Variants in B4GALT5 observed in about 807,000 individuals in gnomAD.
B4GALT5 encodes beta-1,4-galactosyltransferase 5, also known as UDP-Gal:beta-GlcNAc beta-1,4-galactosyltransferase 5.
In B4GALT5, 11 loss-of-function variants were observed where a neutral mutation model predicts 45.0. The observed-to-expected ratio is 0.24, with a 90% CI of 0.15 to 0.40. The LOEUF (loss-of-function observed/expected upper bound fraction) is 0.40, where lower values mean the gene tolerates loss of function less well. Ranked by LOEUF, B4GALT5 falls within the 10% of genes least tolerant of loss-of-function variation. The pLI, the probability that B4GALT5 is intolerant of heterozygous loss-of-function variation, is 1.00. For missense variants in B4GALT5, 337 were observed against 500.2 expected, an observed-to-expected ratio of 0.67 and a Z score of 3.11; for synonymous variants, 185 against 182.9, an observed-to-expected ratio of 1.01 and a Z score of -0.09.
chr20:49,703,092 C>G (rs753312199), intron 1 of B4GALT5, among the ~76,000 whole-genome samples: 3 of 145,500 alleles, frequency 2.1e-5, no homozygotes, highest in East Asian at 2.0e-4. Flanking sequence ...GAGAATGGCA[C>G]GAACCCGGGA....
At chr20:49,688,937 CAAA>C (rs780888236) in intron 1 of B4GALT5, among the ~76,000 whole-genome samples, 15 of 74,224 alleles carry the variant, frequency 2.0e-4, no homozygotes, top group East Asian at 3.3e-4. Flanking sequence ...AACTCCATCT[CAAA>C]AAAAAAAAAA....
chr20:49,667,377 G>A (rs560947179), intron 1 of B4GALT5, among the ~76,000 whole-genome samples: 2 of 151,322 alleles, frequency 1.3e-5, no homozygotes, highest in East Asian at 2.0e-4. Context: ...TCAGCCTCCC[G>A]AGTAGCTGGG....
chr20:49,640,078 T>C (rs1031409047), intron 6 of B4GALT5, among the ~76,000 whole-genome samples: 34 of 152,202 alleles, frequency 2.2e-4, no homozygotes, highest in Admixed American at 6.5e-4. Context: ...CAATCTATAT[T>C]AACATGTTTC....
chr20:49,679,166 C>T (rs2085753683), intron 1 of B4GALT5, among the ~76,000 whole-genome samples: 1 of 152,180 alleles, frequency 6.6e-6, no homozygotes, highest in South Asian at 2.1e-4. Flanking sequence ...TAAAAGTCTA[C>T]TGGAAACCAG....
chr20:49,710,986 G>A (rs867913408), intron 1 of B4GALT5, among the ~76,000 whole-genome samples: 5 of 151,726 alleles, frequency 3.3e-5, no homozygotes, highest in African/African-American at 9.7e-5. Context: ...AGGAGGCTGA[G>A]GGAGGAGGAT....
intron 1 of B4GALT5, among the ~76,000 whole-genome samples, chr20:49,708,909 G>C (rs563372187): frequency 1.4e-5 from 2 of 147,390 alleles, no homozygotes; most frequent in African/African-American, 5.1e-5. Flanking sequence ...TCTAGCCTGG[G>C]CAACAGAGCG....
At chr20:49,673,910 C>A (rs1414210722) in intron 1 of B4GALT5, among the ~76,000 whole-genome samples, 1 of 151,798 alleles carries the variant, frequency 6.6e-6, no homozygotes, top group Non-Finnish European at 1.5e-5. Context: ...GTTATTCTTG[C>A]AACTTTTCTG....
At chr20:49,653,607 C>T (rs1037639971) in intron 2 of B4GALT5, among the ~76,000 whole-genome samples, 1 of 152,182 alleles carries the variant, frequency 6.6e-6, no homozygotes, top group Non-Finnish European at 1.5e-5. Context: ...CTTCCATGTG[C>T]CTTGTTCCTT....
intron 1 of B4GALT5, among the ~76,000 whole-genome samples, chr20:49,668,188 G>A (rs1476288977): frequency 6.6e-6 from 1 of 151,994 alleles, no homozygotes; most frequent in African/African-American, 2.4e-5. Flanking sequence ...AAAGTCATTC[G>A]TAGGTTTCAT....
In B4GALT5 at chr20:49,633,446, T is replaced by TTTTTTA. The variant is rs1345492692; in HGVS notation, c.*2865_*2866insTAAAAA. 1.3e-5 allele frequency: 2 copies of TTTTTTA among 151,878 alleles called. No individual in the cohort carries two copies. Among genetic ancestry groups the TTTTTTA allele is most frequent in the African/African-American group, 4.8e-5 (2 of 41,330 alleles). The allele number at this position is 151,878 out of a possible 1,614,324, so 9.4% of individuals were successfully genotyped here. ...AGGTCACATTTGGTTCCTGTTTTTT[T>TTTTTTA]TTTTAACATGACAATTTCACACTAT... On this transcript the variant is annotated 3_prime_UTR_variant, in exon 9 of 9. Transcript: ENST00000371711.
intron 1 of B4GALT5, among the ~76,000 whole-genome samples, chr20:49,679,283 G>A (rs540173098): frequency 1.3e-3 from 195 of 151,950 alleles, no homozygotes; most frequent in African/African-American, 4.5e-3. Flanking sequence ...TTGTTGTTTC[G>A]CAATCACCAG....
Position 49,635,989 on chromosome 20 carries a change from A to G in B4GALT5, c.*323T>C. 1 of 293,116 alleles carries G rather than the reference A, an allele frequency of 3.4e-6. No homozygotes were observed. Among genetic ancestry groups the G allele is most frequent in the South Asian group, 3.6e-5 (1 of 27,886 alleles). 18.2% of individuals were successfully genotyped at this position (293,116 alleles called of 1,614,324 possible). On this transcript the variant is annotated 3_prime_UTR_variant, in exon 9 of 9. Transcript: ENST00000371711. Reference sequence around the variant, plus strand: ...GCAGGACCACGGCAGATCACAGTTCATCATGGGTTCTGGAGACTGCGGCTA... The same window carrying G: ...GCAGGACCACGGCAGATCACAGTTCGTCATGGGTTCTGGAGACTGCGGCTA...
At chr20:49,639,205 G>GA (rs1388543793) in intron 7 of B4GALT5, among the ~76,000 whole-genome samples, 2 of 152,044 alleles carry the variant, frequency 1.3e-5, no homozygotes, top group Non-Finnish European at 2.9e-5. Flanking sequence ...TTTATTAGAA[G>GA]AAAAAATTGC....
At chr20:49,649,818 T>C (rs747095747) in intron 2 of B4GALT5, among the ~76,000 whole-genome samples, 5 of 152,216 alleles carry the variant, frequency 3.3e-5, no homozygotes, top group Non-Finnish European at 4.4e-5. Flanking sequence ...TCACAAGTAA[T>C]AGAAAATGTG....
At chr20:49,687,706 A>C (rs2085792493) in intron 1 of B4GALT5, among the ~76,000 whole-genome samples, 3 of 152,058 alleles carry the variant, frequency 2.0e-5, no homozygotes, top group Non-Finnish European at 1.5e-5. Flanking sequence ...CTATAAACTG[A>C]ATATTTCTTC....
intron 2 of B4GALT5, among the ~76,000 whole-genome samples, chr20:49,655,128 C>T (rs891335072): frequency 2.7e-5 from 4 of 150,270 alleles, no homozygotes; most frequent in African/African-American, 9.8e-5. Flanking sequence ...TAGATGCCAT[C>T]TCAAGAGAAT....
intron 1 of B4GALT5, among the ~76,000 whole-genome samples, chr20:49,694,168 A>G (rs1335287197): frequency 2.0e-5 from 3 of 152,176 alleles, no homozygotes; most frequent in African/African-American, 7.2e-5. Flanking sequence ...AGAAGTTAGA[A>G]AAAGTATGTT....
chr20:49,641,746 T>C (rs1358576746), intron 5 of B4GALT5, among the ~76,000 whole-genome samples: 1 of 152,148 alleles, frequency 6.6e-6, no homozygotes, highest in Non-Finnish European at 1.5e-5. Flanking sequence ...TGACGATCAG[T>C]GTATTCAGGG....
chr20:49,708,704 A>AT (rs1335872280), intron 1 of B4GALT5, among the ~76,000 whole-genome samples: 29 of 152,244 alleles, frequency 1.9e-4, no homozygotes, highest in African/African-American at 6.5e-4. Context: ...TCCCAGCACT[A>AT]TGGGAGGCCA....
Sources: allele counts gnomAD v4.1 joint callset (sites outside exome capture counted in the v4.1 genomes callset), GRCh38; gene constraint gnomAD v4.1.1; transcripts MANE v1.5; gene names NCBI Gene and HGNC (gene_info 2026-07-23, HGNC 2026-07-21).